GSTCD: variants seen among roughly 807,000 people sequenced by gnomAD.
GSTCD encodes glutathione S-transferase C-terminal domain-containing protein.
Under a neutral mutation model 68.3 loss-of-function variants are expected in GSTCD, and 44 were observed. The observed-to-expected ratio is 0.64, with a 90% CI of 0.51 to 0.83. The LOEUF is 0.83. Among genes scored for constraint, GSTCD ranks in the 40% least tolerant of loss-of-function variants. The pLI, the probability that GSTCD is intolerant of heterozygous loss-of-function variation, is 0.00. For synonymous variants in GSTCD, 273 were observed against 255.2 expected, an observed-to-expected ratio of 1.07 and a Z score of -0.67; for missense variants, 739 against 735.9, an observed-to-expected ratio of 1.00 and a Z score of -0.05.
intron 5 of GSTCD, among the ~76,000 whole-genome samples, chr4:105,797,045 CATGTGT>C (rs1308316060): frequency 7.8e-5 from 11 of 140,324 alleles, no homozygotes; most frequent in Non-Finnish European, 9.5e-5. Context: ...GACAGAGATA[CATGTGT>C]GTGTGTGTGT....
intron 3 of GSTCD, among the ~76,000 whole-genome samples, 197 bp downstream of exon 3, chr4:105,719,724 G>A (rs561023399): frequency 6.6e-6 from 1 of 152,180 alleles, no homozygotes; most frequent in Non-Finnish European, 1.5e-5. Context: ...ACAAATTAAA[G>A]TTTGTGTGAA....
At chr4:105,746,595 C>T (rs995947379) in intron 5 of GSTCD, among the ~76,000 whole-genome samples, 23 of 149,960 alleles carry the variant, frequency 1.5e-4, no homozygotes, top group African/African-American at 4.4e-4. Context: ...GTGTAGATCA[C>T]TGATTGAATT....
At chr4:105,782,306 T>G (rs753869889) in intron 5 of GSTCD, among the ~76,000 whole-genome samples, 4 of 152,140 alleles carry the variant, frequency 2.6e-5, no homozygotes, top group Non-Finnish European at 5.9e-5. Context: ...AAGACCAGCC[T>G]GGGCAACATA....
chr4:105,797,430 G>A (rs1296070760), intron 5 of GSTCD, among the ~76,000 whole-genome samples: 1 of 151,952 alleles, frequency 6.6e-6, no homozygotes, highest in Non-Finnish European at 1.5e-5. Context: ...TGAAAGTTGT[G>A]TTTACACTAT....
At position 105,726,815 on chromosome 4, in the gene GSTCD, C is replaced by A. The variant is rs1466360618; in HGVS notation, c.1131C>A (p.Thr377=). 1 of 1,609,102 alleles carries A rather than the reference C, an allele frequency of 6.2e-7. No individual in the cohort carries two copies. Among genetic ancestry groups the A allele is most frequent in the South Asian group, 1.1e-5 (1 of 89,914 alleles). ...DPLFIGGPRP[T]MAKLMEKGIE... ...TATTTATAGGAGGACCAAGACCAAC[C>A]ATGGCCAAGTTAATGGTACTTAATT... The change falls in exon 4 of 12, where the codon ACC becomes ACA. Residue 377 remains threonine, a synonymous_variant. Coordinates refer to ENST00000515279, the MANE Select transcript of GSTCD (RefSeq NM_001370181.1).
chr4:105,786,473 C>G (rs560889715), intron 5 of GSTCD, among the ~76,000 whole-genome samples: 1 of 151,422 alleles, frequency 6.6e-6, no homozygotes, highest in African/African-American at 2.4e-5. Flanking sequence ...AGACTGCGCG[C>G]CACTGCACTC....
At chr4:105,733,604 T>G (rs1384465343) in intron 5 of GSTCD, among the ~76,000 whole-genome samples, 2 of 152,238 alleles carry the variant, frequency 1.3e-5, no homozygotes, top group East Asian at 1.9e-4. Flanking sequence ...ATGGCTCTCC[T>G]GAATAGAGCA....
chr4:105,794,278 A>G (rs977981419), intron 5 of GSTCD, among the ~76,000 whole-genome samples: 2 of 152,050 alleles, frequency 1.3e-5, no homozygotes, highest in Non-Finnish European at 1.5e-5. Flanking sequence ...GAACAGGTGG[A>G]GCACAGAGGA....
At chr4:105,796,010 G>A (rs1176732089) in intron 5 of GSTCD, among the ~76,000 whole-genome samples, 1 of 152,086 alleles carries the variant, frequency 6.6e-6, no homozygotes, top group Non-Finnish European at 1.5e-5. Context: ...TGCAACTTTT[G>A]TTTCCTTTTG....
chr4:105,732,706 T>C (rs1578418362), intron 5 of GSTCD, among the ~76,000 whole-genome samples: 1 of 152,308 alleles, frequency 6.6e-6, no homozygotes, highest in East Asian at 1.9e-4. Flanking sequence ...TCTGCTCTGA[T>C]CTCAGTTATT....
chr4:105,726,918 T>C, intron 4 of GSTCD, 88 bp downstream of exon 4: 1 of 1,057,334 alleles, frequency 9.5e-7, no homozygotes. Context: ...TTTGTTGACA[T>C]TATTTTTGTT....
chr4:105,828,668 G>A (rs554689992), intron 8 of GSTCD, among the ~76,000 whole-genome samples: 2 of 152,242 alleles, frequency 1.3e-5, no homozygotes, highest in East Asian at 3.9e-4. Context: ...ATTGAGTAGA[G>A]GAGAAGGAAG....
chr4:105,815,185 C>T (rs889375959), intron 5 of GSTCD: 9 of 152,130 alleles, frequency 5.9e-5, no homozygotes, highest in African/African-American at 2.2e-4. Context: ...CACAGTTCTG[C>T]AGTTTGGTTA....
chr4:105,715,767 A>G (rs1732662996), intron 1 of GSTCD, among the ~76,000 whole-genome samples: 1 of 149,618 alleles, frequency 6.7e-6, no homozygotes, highest in African/African-American at 2.5e-5. Flanking sequence ...AATACACTTA[A>G]AAGACAAGAG....
intron 4 of GSTCD, among the ~76,000 whole-genome samples, chr4:105,728,680 T>TATAGATATAGATATAGATATAG (rs368056265): frequency 2.7e-5 from 4 of 146,852 alleles, no homozygotes; most frequent in African/African-American, 1.0e-4. Flanking sequence ...TAGATATAGA[T>TATAGATATAGATATAGATATAG]ATATAGATAT....
chr4:105,728,523 A>G (rs1256844235), intron 4 of GSTCD, among the ~76,000 whole-genome samples: 2 of 152,100 alleles, frequency 1.3e-5, no homozygotes, highest in Admixed American at 6.6e-5. Context: ...TATTTGTACT[A>G]TTTCCTTCGG....
chr4:105,721,341 A>T (rs1357305182), intron 3 of GSTCD, among the ~76,000 whole-genome samples: 1 of 152,232 alleles, frequency 6.6e-6, no homozygotes, highest in Non-Finnish European at 1.5e-5. Context: ...TATGTTGGCA[A>T]GCCTTTTTGC....
chr4:105,746,697 T>C (rs975231341), intron 5 of GSTCD, among the ~76,000 whole-genome samples: 4 of 152,166 alleles, frequency 2.6e-5, no homozygotes, highest in African/African-American at 9.7e-5. Context: ...TGTGTAGTTA[T>C]TATTGTTGAC....
chr4:105,734,336 G>T (rs1483861504), intron 5 of GSTCD, among the ~76,000 whole-genome samples: 1 of 152,196 alleles, frequency 6.6e-6, no homozygotes, highest in Non-Finnish European at 1.5e-5. Context: ...ATCAGCCATG[G>T]ATTTGGTCTT....
Sources: gnomAD v4.1 joint callset for allele counts (sites outside exome capture counted in the v4.1 genomes callset) on GRCh38, gnomAD v4.1.1 for gene constraint, MANE v1.5 for transcripts, NCBI Gene and HGNC (gene_info 2026-07-23, HGNC 2026-07-21) for gene names.